Variants in CLSTN2 observed in about 807,000 individuals in gnomAD.
The protein encoded by CLSTN2 is calsyntenin-2.
CLSTN2 carries 48 observed loss-of-function variants against 101.2 expected under a neutral mutation model. The ratio of observed to expected loss-of-function variants is 0.47; its 90% CI spans 0.38 to 0.60. CLSTN2 has a LOEUF of 0.60. Ranked by LOEUF, CLSTN2 falls within the 20% of genes least tolerant of loss-of-function variation. The pLI is 0.00. For missense variants in CLSTN2, 1,160 were observed against 1,238.2 expected (o/e 0.94, Z 0.95); for synonymous variants, 481 against 463.6 (o/e 1.04, Z -0.48).
At chr3:140,069,832 T>G (rs891433696) in intron 1 of CLSTN2, among the ~76,000 whole-genome samples, 1 of 152,130 alleles carries the variant, frequency 6.6e-6, no homozygotes, top group Admixed American at 6.5e-5. Context: ...GAGATTAGGA[T>G]GTAGCTGGGA....
intron 2 of CLSTN2, among the ~76,000 whole-genome samples, chr3:140,374,794 G>C (rs137878308): frequency 2.0e-4 from 31 of 152,288 alleles, no homozygotes; most frequent in African/African-American, 7.0e-4. Context: ...TTTCACGTTA[G>C]TCTTACATAA....
intron 2 of CLSTN2, among the ~76,000 whole-genome samples, chr3:140,202,492 G>A (rs1033606151): frequency 2.6e-5 from 4 of 152,228 alleles, no homozygotes; most frequent in African/African-American, 9.6e-5. Context: ...GAAGGATGCG[G>A]GTGGAGTAGG....
chr3:140,525,191 T>A (rs1249898952), intron 8 of CLSTN2, among the ~76,000 whole-genome samples: 1 of 152,118 alleles, frequency 6.6e-6, no homozygotes, highest in Non-Finnish European at 1.5e-5. Flanking sequence ...CAAGATTGAT[T>A]GAGCGCTAGC....
chr3:139,960,072 G>T (rs1164046589), intron 1 of CLSTN2, among the ~76,000 whole-genome samples: 1 of 152,126 alleles, frequency 6.6e-6, no homozygotes, highest in Non-Finnish European at 1.5e-5. Context: ...TGCTTTATTC[G>T]TGGTGTGTGT....
At chr3:139,940,329 C>T (rs1935103259) in intron 1 of CLSTN2, among the ~76,000 whole-genome samples, 1 of 152,206 alleles carries the variant, frequency 6.6e-6, no homozygotes, top group African/African-American at 2.4e-5. Flanking sequence ...CCTGGCCCTA[C>T]TGCTTCCTAG....
intron 1 of CLSTN2, among the ~76,000 whole-genome samples, chr3:139,964,945 A>G (rs1204153937): frequency 2.6e-5 from 4 of 152,124 alleles, no homozygotes; most frequent in African/African-American, 9.7e-5. Context: ...TAAGTTGACA[A>G]ATACCATCTG....
chr3:140,536,172 C>T (rs78216888), intron 9 of CLSTN2, among the ~76,000 whole-genome samples: 3,897 of 152,066 alleles, frequency 0.026, 164 homozygotes, highest in African/African-American at 0.087. Context: ...ACTAGCTGTA[C>T]GGACCCAGCA....
chr3:140,041,701 C>T (rs780227161), intron 1 of CLSTN2, among the ~76,000 whole-genome samples: 3 of 152,286 alleles, frequency 2.0e-5, no homozygotes, highest in Non-Finnish European at 4.4e-5. Flanking sequence ...TTCCGGGCCT[C>T]ACCGACTCCT....
intron 8 of CLSTN2, among the ~76,000 whole-genome samples, chr3:140,482,297 C>T (rs1485045312): frequency 6.6e-6 from 1 of 152,108 alleles, no homozygotes; most frequent in Non-Finnish European, 1.5e-5. Flanking sequence ...AGGGATGAAG[C>T]CAACTTGATT....
At chr3:140,421,707 C>T (rs1054163024) in intron 5 of CLSTN2, among the ~76,000 whole-genome samples, 5 of 152,098 alleles carry the variant, frequency 3.3e-5, no homozygotes, top group African/African-American at 9.7e-5. Flanking sequence ...CAGGCAGAGG[C>T]GGGAGACCCA....
chr3:140,374,325 C>G (rs2087891191), intron 2 of CLSTN2, among the ~76,000 whole-genome samples: 1 of 152,178 alleles, frequency 6.6e-6, no homozygotes, highest in South Asian at 2.1e-4. Context: ...TTCTCCTCCT[C>G]CTCTTTCTTT....
intron 1 of CLSTN2, among the ~76,000 whole-genome samples, chr3:140,018,117 C>T (rs1231961314): frequency 6.6e-6 from 1 of 152,218 alleles, no homozygotes; most frequent in South Asian, 2.1e-4. Context: ...CTTTTCTCCA[C>T]ATTTTAAAAG....
At chr3:140,556,697 G>A in intron 11 of CLSTN2, 36 bp downstream of exon 11, 1 of 1,604,316 alleles carries the variant, frequency 6.2e-7, no homozygotes, top group Non-Finnish European at 8.5e-7. Flanking sequence ...GCCAACTGAG[G>A]CAGCAGTTGG....
chr3:140,338,763 A>G (rs1212103809), intron 2 of CLSTN2, among the ~76,000 whole-genome samples: 2 of 152,318 alleles, frequency 1.3e-5, no homozygotes, highest in Admixed American at 6.5e-5. Context: ...CTTGGAGACC[A>G]GAAGGGGAAG....
intron 8 of CLSTN2, among the ~76,000 whole-genome samples, chr3:140,487,405 C>T (rs1274324442): frequency 6.6e-6 from 1 of 152,206 alleles, no homozygotes; most frequent in African/African-American, 2.4e-5. Context: ...GGCTTTCCTG[C>T]CAGTTTCCTT....
In CLSTN2 at chr3:140,330,440, G is replaced by A. The variant is rs529300229; in HGVS notation, c.233-73189G>A. 4.6e-5 allele frequency among the ~76,000 whole-genome samples: 7 copies of A among 152,274 alleles called. No individual in the cohort carries two copies. The South Asian group carries it at 1.5e-3, about 32-fold the overall frequency. On this transcript the variant is annotated intron_variant, in intron 2 of 16. Coordinates refer to ENST00000458420, the MANE Select transcript of CLSTN2 (RefSeq NM_022131.3). ...TCTTTTAAAGGTATAATTTTGATAT[G>A]CATTTTATGTGTTTATTCAAAGGAT...
At chr3:140,046,003 G>T (rs1373142945) in intron 1 of CLSTN2, among the ~76,000 whole-genome samples, 1 of 152,216 alleles carries the variant, frequency 6.6e-6, no homozygotes, top group Non-Finnish European at 1.5e-5. Flanking sequence ...TGTTGATTAG[G>T]GTGGAGAGTT....
At chr3:140,020,494 C>A (rs548500733) in intron 1 of CLSTN2, among the ~76,000 whole-genome samples, 1 of 152,294 alleles carries the variant, frequency 6.6e-6, no homozygotes, top group East Asian at 1.9e-4. Flanking sequence ...CCTGCAACAG[C>A]CATGTTATTG....
intron 1 of CLSTN2, among the ~76,000 whole-genome samples, chr3:140,037,302 C>A (rs2007673150): frequency 6.6e-6 from 1 of 152,122 alleles, no homozygotes; most frequent in South Asian, 2.1e-4. Context: ...TTACTTCCTC[C>A]ATAAATATGT....
Sources: allele counts gnomAD v4.1 joint callset (sites outside exome capture counted in the v4.1 genomes callset), GRCh38; gene constraint gnomAD v4.1.1; transcripts MANE v1.5; gene names NCBI Gene and HGNC (gene_info 2026-07-23, HGNC 2026-07-21).